The following MMP16 variants were observed in gnomAD, a reference collection of about 807,000 sequenced individuals.
The protein encoded by MMP16 is matrix metalloproteinase-16.
Under a neutral mutation model 67.8 loss-of-function variants are expected in MMP16, and 12 were observed. The ratio of observed to expected loss-of-function variants is 0.18; its 90% CI spans 0.11 to 0.29. The LOEUF (loss-of-function observed/expected upper bound fraction) is 0.29. Ranked by LOEUF, MMP16 falls within the 10% of genes least tolerant of loss-of-function variation. MMP16 has a pLI of 1.00. For synonymous variants in MMP16, 249 were observed against 255.9 expected (o/e 0.97, Z 0.26); for missense variants, 475 against 765.7 (o/e 0.62, Z 4.48).
rs1346397276 is a variant in MMP16 at position 88,268,372 on chromosome 8, C to G, written c.132+58703G>C. 4.6e-5 allele frequency among the ~76,000 whole-genome samples: 7 copies of G among 152,058 alleles called. 1 individual carries two copies. Among genetic ancestry groups the G allele is most frequent in the Admixed American group, 4.6e-4 (7 of 15,262 alleles). Reference sequence around the variant, plus strand: ...AGAAAACCAAAACTAAAACCAAAACCAAAAACAACAAAAAAATTCATTCAT... The same window carrying G: ...AGAAAACCAAAACTAAAACCAAAACGAAAAACAACAAAAAAATTCATTCAT... On this transcript the variant is annotated intron_variant, in intron 1 of 9. Transcript: ENST00000286614.
At chr8:88,115,317 T>G (rs1375842624) in intron 6 of MMP16, among the ~76,000 whole-genome samples, 1 of 152,012 alleles carries the variant, frequency 6.6e-6, no homozygotes, top group African/African-American at 2.4e-5. Flanking sequence ...ACACAATGAG[T>G]ATCAAAAGTA....
chr8:88,252,705 TAC>T (rs1298279702), intron 1 of MMP16, among the ~76,000 whole-genome samples: 3 of 151,486 alleles, frequency 2.0e-5, no homozygotes, highest in African/African-American at 7.3e-5. Context: ...TAATTTAAAT[TAC>T]ATTTATCATT....
intron 4 of MMP16, among the ~76,000 whole-genome samples, chr8:88,123,760 A>G (rs564120436): frequency 6.6e-6 from 1 of 152,022 alleles, no homozygotes; most frequent in South Asian, 2.1e-4. Context: ...TCACCTAAAA[A>G]GAGTTAGGTC....
At position 88,040,250 on chromosome 8, in the gene MMP16, C is replaced by T. The variant is rs553933882; in HGVS notation, c.*1211G>A. The T allele has an allele frequency of 1.0e-3, 155 of 152,652 alleles. No individual in the cohort carries two copies. The highest frequency in any genetic ancestry group is 3.7e-3 in the African/African-American group (154 of 41,540). The allele number at this position is 152,652 out of a possible 1,614,324, so 9.5% of individuals were successfully genotyped here. A position where few individuals can be genotyped will look rare whatever the true frequency, so the allele number is the denominator to read the frequency against. On this transcript the variant is annotated 3_prime_UTR_variant, in exon 10 of 10. Coordinates refer to ENST00000286614, the MANE Select transcript of MMP16 (RefSeq NM_005941.5). ...TTGCCAGAAAAATTTTGGCAAGTAA[C>T]ATCATTTCTGTTTGTTATAAACACA...
intron 1 of MMP16, among the ~76,000 whole-genome samples, chr8:88,273,096 T>G (rs1027211848): frequency 6.6e-6 from 1 of 152,026 alleles, no homozygotes; most frequent in East Asian, 1.9e-4. Context: ...CTGCCCTTTT[T>G]TTTTTGAGAC....
At chr8:88,139,693 ATAATGT>A (rs1238522748) in intron 4 of MMP16, among the ~76,000 whole-genome samples, 1 of 152,234 alleles carries the variant, frequency 6.6e-6, no homozygotes, top group South Asian at 2.1e-4. Flanking sequence ...CTGAATAAAT[ATAATGT>A]TAATGTTAAT....
At position 88,168,246 on chromosome 8, in the gene MMP16, T is replaced by C. The variant is rs527471275; in HGVS notation, c.405-273A>G. ...AATTGGATCAATCAGTTACTTTACC[T>C]TCTGAATAAGAAAGAGAAAGGCAGA... On this transcript the variant is annotated intron_variant, in intron 3 of 9. Coordinates refer to ENST00000286614, the MANE Select transcript of MMP16 (RefSeq NM_005941.5). Among the ~76,000 whole-genome samples the C allele has an allele frequency of 2.0e-5, 3 of 152,228 alleles. No individual in the cohort carries two copies. The South Asian group carries it at 6.2e-4, about 32-fold the overall frequency.
chr8:88,274,858 C>A (rs1206915172), intron 1 of MMP16, among the ~76,000 whole-genome samples: 6 of 151,710 alleles, frequency 4.0e-5, no homozygotes, highest in Non-Finnish European at 8.9e-5. Flanking sequence ...AAGAACATTC[C>A]TAAACAAACC....
At chr8:88,049,563 A>G (rs991315539) in intron 8 of MMP16, among the ~76,000 whole-genome samples, 9 of 152,172 alleles carry the variant, frequency 5.9e-5, no homozygotes, top group Non-Finnish European at 1.0e-4. Context: ...ACTTTTTCAC[A>G]TTTTACATCT....
chr8:88,140,391 T>G (rs1048611435), intron 4 of MMP16, among the ~76,000 whole-genome samples: 1 of 152,176 alleles, frequency 6.6e-6, no homozygotes, highest in African/African-American at 2.4e-5. Flanking sequence ...TCACGTAGCA[T>G]CACTTCTACC....
chr8:88,184,745 T>G (rs1809042880), intron 3 of MMP16, among the ~76,000 whole-genome samples: 1 of 8,060 alleles, frequency 1.2e-4, no homozygotes, highest in Admixed American at 2.2e-3. Context: ...AGGCCCTGTC[T>G]CAAAAAAAAA....
rs201359880 is a variant in MMP16 at position 88,288,357 on chromosome 8, C to CT, written c.132+38717dup. Among the ~76,000 whole-genome samples, 952 of 150,684 alleles carry CT rather than the reference C, an allele frequency of 6.3e-3. 5 individuals are homozygous for CT. Among genetic ancestry groups the CT allele is most frequent in the African/African-American group, 0.022 (897 of 41,130 alleles). The stretch of plus-strand genomic sequence containing the variant: ...CAGGACACCATTTTTTTTCTTTTTT[C>CT]TTTTTTTTTCCAGAAAAACCATAGG... On this transcript the variant is annotated intron_variant, in intron 1 of 9. Coordinates refer to ENST00000286614, the MANE Select transcript of MMP16 (RefSeq NM_005941.5).
chr8:88,128,041 T>G (rs1011089899), intron 4 of MMP16, among the ~76,000 whole-genome samples: 1 of 151,840 alleles, frequency 6.6e-6, no homozygotes, highest in Non-Finnish European at 1.5e-5. Flanking sequence ...GACACAGAAC[T>G]GGAAAAGGTA....
At chr8:88,210,073 G>T (rs1356014172) in intron 1 of MMP16, among the ~76,000 whole-genome samples, 1 of 152,112 alleles carries the variant, frequency 6.6e-6, no homozygotes, top group Non-Finnish European at 1.5e-5. Flanking sequence ...CAGCCTGGAA[G>T]AGAATCTTTC....
chr8:88,323,971 G>T (rs1811499331), intron 1 of MMP16, among the ~76,000 whole-genome samples: 1 of 152,076 alleles, frequency 6.6e-6, no homozygotes, highest in Non-Finnish European at 1.5e-5. Flanking sequence ...GTTAATATTA[G>T]CAATGTTCCC....
At chr8:88,240,960 T>C (rs188948715) in intron 1 of MMP16, among the ~76,000 whole-genome samples, 2 of 152,326 alleles carry the variant, frequency 1.3e-5, no homozygotes, top group East Asian at 3.9e-4. Context: ...ATAATCTTCA[T>C]TGTTTCCTCC....
chr8:88,062,512 G>A lies in MMP16; in HGVS notation c.1223-6234C>T, dbSNP rs1000262477. On this transcript the variant is annotated intron_variant, in intron 7 of 9. Coordinates refer to ENST00000286614, the MANE Select transcript of MMP16 (RefSeq NM_005941.5). Reference sequence around the variant, plus strand: ...ATGAGTTCATGTCCTTTGTAGGGACGTGGATGAAGCTGGAAACCATCATTC... The same window carrying A: ...ATGAGTTCATGTCCTTTGTAGGGACATGGATGAAGCTGGAAACCATCATTC... Among the ~76,000 whole-genome samples, 6 of 151,960 alleles carry A rather than the reference G, an allele frequency of 3.9e-5. No individual in the cohort carries two copies. In the East Asian group the frequency reaches 7.8e-4, roughly 20 times the overall value.
At chr8:88,192,442 C>CCTTTTT in intron 2 of MMP16, among the ~76,000 whole-genome samples, 1 of 152,314 alleles carries the variant, frequency 6.6e-6, no homozygotes, top group East Asian at 1.9e-4. Flanking sequence ...CCAATTCTTT[C>CCTTTTT]AACTTTTTAC....
chr8:88,149,827 A>G (rs2129642393), intron 4 of MMP16, among the ~76,000 whole-genome samples: 1 of 151,216 alleles, frequency 6.6e-6, no homozygotes, highest in South Asian at 2.1e-4. Flanking sequence ...AAAGGAACGC[A>G]GTTCCTCACC....
Sources: allele counts gnomAD v4.1 joint callset (sites outside exome capture counted in the v4.1 genomes callset), GRCh38; gene constraint gnomAD v4.1.1; transcripts MANE v1.5; gene names NCBI Gene and HGNC (gene_info 2026-07-23, HGNC 2026-07-21).